Variants in AGAP1 observed in about 807,000 individuals in gnomAD.
AGAP1 encodes the protein ArfGAP with GTPase domain, ankyrin repeat and PH domain 1.
In AGAP1, 29 loss-of-function variants were observed where a neutral mutation model predicts 105.3. The observed-to-expected ratio is 0.28, with a 90% CI of 0.21 to 0.38. The LOEUF is 0.38. Ranked by LOEUF, AGAP1 falls within the 10% of genes least tolerant of loss-of-function variation. The pLI is 1.00. For synonymous variants in AGAP1, 509 were observed against 485.9 expected, an observed-to-expected ratio of 1.05 and a Z score of -0.63; for missense variants, 998 against 1,165.1, an observed-to-expected ratio of 0.86 and a Z score of 2.09.
At chr2:236,032,964 G>A (rs2057269971) in intron 13 of AGAP1, among the ~76,000 whole-genome samples, 1 of 152,190 alleles carries the variant, frequency 6.6e-6, no homozygotes, top group Admixed American at 6.5e-5. Context: ...GTGAGTGATC[G>A]GCCAGGTGCA....
chr2:235,527,376 T>C (rs1255730889), intron 1 of AGAP1, among the ~76,000 whole-genome samples: 1 of 152,316 alleles, frequency 6.6e-6, no homozygotes, highest in Admixed American at 6.5e-5. Flanking sequence ...TTTACTTACT[T>C]ACCTTATTGA....
Position 236,036,751 on chromosome 2 carries a change from C to G in AGAP1, c.1800+36C>G. 2 of 1,612,908 alleles carry G rather than the reference C, an allele frequency of 1.2e-6. No homozygotes were observed. The highest frequency in any genetic ancestry group is 2.2e-5 in the South Asian group (2 of 90,878). On this transcript the variant is annotated intron_variant, in intron 14 of 17. Coordinates refer to ENST00000304032, the MANE Select transcript of AGAP1 (RefSeq NM_001037131.3). The surrounding 1 kb of genome is among the most constrained non-coding windows in gnomAD (Gnocchi z 5.7). ...TGGCTGCCCAAAACCAAGGCTGGGG[C>G]TGCTCAGGGGGAGTGCGGGCCCCAA...
intron 16 of AGAP1, among the ~76,000 whole-genome samples, chr2:236,086,729 T>C (rs994801268): frequency 1.8e-4 from 28 of 152,192 alleles, no homozygotes; most frequent in Non-Finnish European, 2.6e-4. Flanking sequence ...AGGAATGAGA[T>C]AGAAAGGGAA....
intron 13 of AGAP1, among the ~76,000 whole-genome samples, chr2:236,018,026 AT>A (rs1462580676): frequency 6.6e-6 from 1 of 152,248 alleles, no homozygotes; most frequent in Non-Finnish European, 1.5e-5. Context: ...CACAGACAAG[AT>A]TAAAAAACAA....
rs115832026 is a variant in AGAP1, at chr2:236,119,192, C to T, written c.2115-1000C>T. ...GGGGCGGGCAGGCATCAGCATCATCCACTCTCCACACCTCCGACCCCATCC... is the reference window on the plus strand; with the variant it reads ...GGGGCGGGCAGGCATCAGCATCATCTACTCTCCACACCTCCGACCCCATCC... On this transcript the variant is annotated intron_variant, in intron 16 of 17. Coordinates refer to ENST00000304032, the MANE Select transcript of AGAP1 (RefSeq NM_001037131.3). The surrounding 1 kb of genome is among the most constrained non-coding windows in gnomAD (Gnocchi z 6.6). Among the ~76,000 whole-genome samples the T allele has an allele frequency of 3.7e-3, 558 of 152,106 alleles. 4 individuals carry two copies. The highest frequency in any genetic ancestry group is 0.013 in the African/African-American group (538 of 41,504).
chr2:235,525,338 C>T (rs1185614766), intron 1 of AGAP1, among the ~76,000 whole-genome samples: 26 of 106,930 alleles, frequency 2.4e-4, no homozygotes, highest in African/African-American at 4.8e-4. Flanking sequence ...AGGACTAATA[C>T]ATAATGTGGA....
chr2:235,736,048 C>A lies in AGAP1; in HGVS notation c.311-4915C>A, dbSNP rs1014703628. Reference sequence around the variant, plus strand: ...TGATGCTGTTTACCTCCTGTGATATCCTTGTGTCCTGGGGAAGCACAGATT... The same window carrying A: ...TGATGCTGTTTACCTCCTGTGATATACTTGTGTCCTGGGGAAGCACAGATT... On this transcript the variant is annotated intron_variant, in intron 3 of 17. Transcript: ENST00000304032. The surrounding 1 kb of genome is among the most constrained non-coding windows in gnomAD (Gnocchi z 5.5). Among the ~76,000 whole-genome samples the A allele has an allele frequency of 6.6e-6, 1 of 151,812 alleles. No individual in the cohort carries two copies. Among genetic ancestry groups the A allele is most frequent in the African/African-American group, 2.4e-5 (1 of 41,352 alleles).
At position 235,729,461 on chromosome 2, in the gene AGAP1, G is replaced by C. The variant is rs760312370; in HGVS notation, c.311-11502G>C. Among the ~76,000 whole-genome samples the C allele has an allele frequency of 1.3e-5, 2 of 152,126 alleles. No homozygotes were observed. Among genetic ancestry groups the C allele is most frequent in the African/African-American group, 4.8e-5 (2 of 41,396 alleles). ...GCCTTGCAGGGTCAGCTCAGCCTGA[G>C]AGCCAGTGACCCCCTCCCCCAGGAG... On this transcript the variant is annotated intron_variant, in intron 3 of 17. Coordinates refer to ENST00000304032, the MANE Select transcript of AGAP1 (RefSeq NM_001037131.3). The surrounding 1 kb of genome is among the most constrained non-coding windows in gnomAD (Gnocchi z 5.0).
At chr2:235,854,581 A>G (rs550669313) in intron 9 of AGAP1, among the ~76,000 whole-genome samples, 2 of 152,334 alleles carry the variant, frequency 1.3e-5, no homozygotes, top group South Asian at 4.1e-4. Flanking sequence ...AGCGCATTAT[A>G]GGAAACCAGA....
In AGAP1 at chr2:236,012,256, G is replaced by A. The variant is rs144665926; in HGVS notation, c.1646-24305G>A. On this transcript the variant is annotated intron_variant, in intron 13 of 17. Transcript: ENST00000304032. This position sits in a 1 kb window ranked among gnomAD's most constrained non-coding sequence, Gnocchi z 4.9. ...GGAAGGCATAAAGCGGGCGAGGAAAGAGGCTTTCTGCACTCGGGCACCCCT... is the reference window on the plus strand; with the variant it reads ...GGAAGGCATAAAGCGGGCGAGGAAAAAGGCTTTCTGCACTCGGGCACCCCT... 5.4e-3 allele frequency among the ~76,000 whole-genome samples: 826 copies of A among 152,202 alleles called. 4 individuals are homozygous for A. The highest frequency in any genetic ancestry group is 0.019 in the African/African-American group (778 of 41,532).
rs550474702 is a variant in AGAP1 at position 236,105,324 on chromosome 2, G to A, written c.2115-14868G>A. Among the ~76,000 whole-genome samples, 7 of 152,204 alleles carry A rather than the reference G, an allele frequency of 4.6e-5. No homozygotes were observed. Among genetic ancestry groups the A allele is most frequent in the East Asian group, 3.9e-4 (2 of 5,154 alleles). On this transcript the variant is annotated intron_variant, in intron 16 of 17. Transcript: ENST00000304032. The surrounding 1 kb of genome is among the most constrained non-coding windows in gnomAD (Gnocchi z 4.2). ...AGCCAGGTAAGGGGGAAAGATGGGC[G>A]GAGCGGGGGACCAAGGACAGAGAGG... is the stretch of plus-strand genomic sequence containing the variant.
At chr2:235,811,385 G>A (rs1202015235) in intron 9 of AGAP1, among the ~76,000 whole-genome samples, 2 of 152,208 alleles carry the variant, frequency 1.3e-5, no homozygotes, top group Non-Finnish European at 2.9e-5. Flanking sequence ...TCGTGCTTAC[G>A]CAATTGAAAG....
rs1264934301 is a variant in AGAP1, at chr2:236,089,995, A to G, written c.2115-30197A>G. On this transcript the variant is annotated intron_variant, in intron 16 of 17. Coordinates refer to ENST00000304032, the MANE Select transcript of AGAP1 (RefSeq NM_001037131.3). This position sits in a 1 kb window ranked among gnomAD's most constrained non-coding sequence, Gnocchi z 5.6. ...TTATAAATCAACCTTATGCCTGTAC[A>G]GCAGCTCCCTGGCTGCAAATGAATC... is the stretch of plus-strand genomic sequence containing the variant. Among the ~76,000 whole-genome samples, 1 of 152,022 alleles carries G rather than the reference A, an allele frequency of 6.6e-6. No individual in the cohort carries two copies. Among genetic ancestry groups the G allele is most frequent in the Admixed American group, 6.6e-5 (1 of 15,262 alleles).
At chr2:235,673,238 C>T (rs1310891772) in intron 1 of AGAP1, among the ~76,000 whole-genome samples, 1 of 152,138 alleles carries the variant, frequency 6.6e-6, no homozygotes, top group South Asian at 2.1e-4. Flanking sequence ...TTACATTTTT[C>T]CAGTCTTTAC....
Position 236,090,636 on chromosome 2 carries a change from A to G in AGAP1, c.2115-29556A>G, listed in dbSNP as rs1311837995. ...ATTTTCATCACTTTTGGATATTGAA[A>G]GCTAGCAGGGAGGGGGTCTTCCTGG... On this transcript the variant is annotated intron_variant, in intron 16 of 17. Transcript: ENST00000304032. This position sits in a 1 kb window ranked among gnomAD's most constrained non-coding sequence, Gnocchi z 4.3. Among the ~76,000 whole-genome samples the G allele has an allele frequency of 6.6e-6, 1 of 152,178 alleles. No individual in the cohort carries two copies. The highest frequency in any genetic ancestry group is 2.4e-5 in the African/African-American group (1 of 41,450).
chr2:235,917,386 A>C (rs1161181427), intron 11 of AGAP1, among the ~76,000 whole-genome samples: 1 of 152,202 alleles, frequency 6.6e-6, no homozygotes, highest in African/African-American at 2.4e-5. Flanking sequence ...TAATAGCATG[A>C]ATATTCAGTG....
intron 1 of AGAP1, among the ~76,000 whole-genome samples, chr2:235,563,241 C>T (rs1223809984): frequency 6.6e-6 from 1 of 152,128 alleles, no homozygotes; most frequent in Non-Finnish European, 1.5e-5. Flanking sequence ...CTGCCCTGGC[C>T]CACTCGGCGT....
rs1013279656 is a variant in AGAP1, at chr2:235,635,275, G to T, written c.164-73904G>T. ...CTCATCTGAAAATGGGAATGAGGAT[G>T]CCTATCCGAGGTGACTTAGCAGAGG... On this transcript the variant is annotated intron_variant, in intron 1 of 17. Coordinates refer to ENST00000304032, the MANE Select transcript of AGAP1 (RefSeq NM_001037131.3). The surrounding 1 kb of genome is among the most constrained non-coding windows in gnomAD (Gnocchi z 5.3). Among the ~76,000 whole-genome samples, 3 of 152,180 alleles carry T rather than the reference G, an allele frequency of 2.0e-5. No homozygotes were observed. The highest frequency in any genetic ancestry group is 4.4e-5 in the Non-Finnish European group (3 of 68,040).
At chr2:236,043,746 G>GGCA (rs3030745) in intron 15 of AGAP1, among the ~76,000 whole-genome samples, 1 of 124,512 alleles carries the variant, frequency 8.0e-6, no homozygotes, top group Non-Finnish European at 1.7e-5. Context: ...AGTGGGGGGG[G>GGCA]TGCTTAATTG....
Sources: gnomAD v4.1 joint callset for allele counts (sites outside exome capture counted in the v4.1 genomes callset) on GRCh38, gnomAD v4.1.1 for gene constraint, Gnocchi (gnomAD v3.1) non-coding constraint, MANE v1.5 for transcripts, NCBI Gene and HGNC (gene_info 2026-07-23, HGNC 2026-07-21) for gene names.